The following COL18A1 variants were observed in gnomAD, a reference collection of about 807,000 sequenced individuals.
COL18A1 encodes collagen type XVIII alpha 1 chain, also known as collagen alpha-1(XVIII) chain.
COL18A1 carries 133 observed loss-of-function variants against 168.0 expected under a neutral mutation model. The ratio of observed to expected loss-of-function variants is 0.79; its 90% CI spans 0.69 to 0.91. COL18A1 has a LOEUF of 0.91. Ranked by LOEUF, COL18A1 falls within the 40% of genes least tolerant of loss-of-function variation. COL18A1 has a pLI of 0.00. For missense variants in COL18A1, 2,126 were observed against 1,925.4 expected, an observed-to-expected ratio of 1.10 and a Z score of -1.95; for synonymous variants, 949 against 809.0, an observed-to-expected ratio of 1.17 and a Z score of -2.94.
chr21:45,493,688 G>A (rs1039821435), intron 26 of COL18A1, 113 bp downstream of exon 26: 4 of 812,712 alleles, frequency 4.9e-6, no homozygotes, highest in East Asian at 2.7e-5. Context: ...CCTCTCCCAA[G>A]CAGGGCTCTA....
rs1363328870 is a variant in COL18A1 at position 45,490,864 on chromosome 21, G to A, written c.2060G>A (p.Gly687Glu). The A allele has an allele frequency of 6.5e-7, 1 of 1,549,828 alleles. No individual in the cohort carries two copies. The highest frequency in any genetic ancestry group is 8.7e-7 in the Non-Finnish European group (1 of 1,146,712). The change falls in exon 21 of 42, where the codon GGA (glycine) becomes GAA (glutamate). Residue 687 changes from glycine to glutamate, a missense_variant. Physicochemically the swap from Gly to Glu is moderately conservative, Grantham distance 98. Transcript: ENST00000651438. ...CCAAAGGGAGACAGAGGCAGCCGGGGAGAAAAGGTGAGTGTCCCTGGGGCG... is the reference window on the plus strand; with the variant it reads ...CCAAAGGGAGACAGAGGCAGCCGGGAAGAAAAGGTGAGTGTCCCTGGGGCG... ...QGPKGDRGSR[G>E]EKGDPGKDGV...
intron 2 of COL18A1, among the ~76,000 whole-genome samples, chr21:45,442,398 T>A (rs903984641): frequency 1.3e-5 from 2 of 152,198 alleles, no homozygotes; most frequent in African/African-American, 2.4e-5. Context: ...ATCACCCATG[T>A]GTCTCACTCA....
At chr21:45,502,992 T>C (rs2036944925) in intron 32 of COL18A1, 1 of 152,106 alleles carries the variant, frequency 6.6e-6, no homozygotes, top group Non-Finnish European at 1.5e-5. Context: ...AAATGAAGTT[T>C]TAAAAAGGCA....
At chr21:45,499,333 C>T (rs2036655702) in intron 32 of COL18A1, among the ~76,000 whole-genome samples, 1 of 152,264 alleles carries the variant, frequency 6.6e-6, no homozygotes, top group African/African-American at 2.4e-5. Flanking sequence ...ACAACGCTGG[C>T]AGGAACCGGC....
At chr21:45,434,115 G>A (rs1024771932) in intron 2 of COL18A1, among the ~76,000 whole-genome samples, 6 of 152,340 alleles carry the variant, frequency 3.9e-5, no homozygotes, top group African/African-American at 1.4e-4. Flanking sequence ...GGCCAGGTGT[G>A]TGAGCAGACA....
chr21:45,480,294 G>A, intron 11 of COL18A1, 138 bp downstream of exon 11: 1 of 1,271,086 alleles, frequency 7.9e-7, no homozygotes. Context: ...CACAGGTGTG[G>A]TGGGAGCCCC....
At chr21:45,456,873 C>T (rs910305049) in intron 2 of COL18A1, 46 of 1,443,720 alleles carry the variant, frequency 3.2e-5, no homozygotes, top group Middle Eastern at 1.8e-4. Context: ...CTCATTGGGC[C>T]GGCTGCAGGT....
intron 4 of COL18A1, among the ~76,000 whole-genome samples, chr21:45,475,178 G>A (rs868864981): frequency 3.3e-5 from 5 of 152,226 alleles, no homozygotes; most frequent in Admixed American, 6.5e-5. Flanking sequence ...CTGGCCAGAA[G>A]AGAGGAGCGC....
chr21:45,482,705 G>A lies in COL18A1; in HGVS notation c.1675-90G>A, dbSNP rs1568911812. 2.8e-5 allele frequency: 44 copies of A among 1,596,512 alleles called. No individual in the cohort carries two copies. In the Middle Eastern group the frequency reaches 5.0e-4, roughly 18 times the overall value. ...AGGCAGCAAAGCAGGGACCCGGGTCGGGGCACAGTTCCTGGCAGGGCGATG... is the reference window on the plus strand; with the variant it reads ...AGGCAGCAAAGCAGGGACCCGGGTCAGGGCACAGTTCCTGGCAGGGCGATG... On this transcript the variant is annotated intron_variant, in intron 14 of 41. Coordinates refer to ENST00000651438, the MANE Select transcript of COL18A1 (RefSeq NM_001379500.1).
chr21:45,482,644 C>G (rs942112546), intron 14 of COL18A1, 151 bp from the exon 15 acceptor site: 4 of 1,169,944 alleles, frequency 3.4e-6, no homozygotes, highest in Non-Finnish European at 5.0e-6. Flanking sequence ...GGGGGGATGA[C>G]AGCGGCAACA....
intron 15 of COL18A1, among the ~76,000 whole-genome samples, chr21:45,486,397 G>A (rs751401694): frequency 1.0e-5 from 1 of 100,210 alleles, no homozygotes; most frequent in Non-Finnish European, 2.0e-5. Flanking sequence ...TTCTCCCCTC[G>A]CCTGCCCGGG....
chr21:45,498,567 G>A lies in COL18A1; in HGVS notation c.2683+906G>A, dbSNP rs1326369911. 3 of 716,776 alleles carry A rather than the reference G, an allele frequency of 4.2e-6. No homozygotes were observed. The highest frequency in any genetic ancestry group is 7.8e-6 in the Non-Finnish European group (3 of 384,856). 44.4% of individuals were successfully genotyped at this position (716,776 alleles called of 1,614,324 possible). On this transcript the variant is annotated intron_variant, in intron 32 of 41. Coordinates refer to ENST00000651438, the MANE Select transcript of COL18A1 (RefSeq NM_001379500.1). This position sits in a 1 kb window ranked among gnomAD's most constrained non-coding sequence, Gnocchi z 4.5. ...GGGGCTGCACTCTGGGGTGGGAAGG[G>A]ACCAGGCAGGCAGAGGCCGAGTCTG... is the stretch of plus-strand genomic sequence containing the variant.
chr21:45,465,289 G>C (rs571363008), intron 2 of COL18A1, among the ~76,000 whole-genome samples: 1 of 152,192 alleles, frequency 6.6e-6, no homozygotes, highest in Non-Finnish European at 1.5e-5. Flanking sequence ...CAGCGCTGAC[G>C]GTGGAGAGAT....
chr21:45,508,930 G>A (rs796479815), intron 38 of COL18A1, among the ~76,000 whole-genome samples: 8 of 152,134 alleles, frequency 5.3e-5, no homozygotes, highest in Non-Finnish European at 8.8e-5. Flanking sequence ...AGGGGCATCC[G>A]GACTGGGGTG....
intron 6 of COL18A1, among the ~76,000 whole-genome samples, 200 bp downstream of exon 6, chr21:45,476,680 T>G (rs1318823747): frequency 6.9e-6 from 1 of 144,568 alleles, no homozygotes; most frequent in African/African-American, 2.5e-5. Context: ...GATGTGCATG[T>G]TTGTGACATG....
intron 17 of COL18A1, 125 bp from the exon 18 acceptor site, chr21:45,488,293 G>A (rs2036184849): frequency 7.5e-6 from 9 of 1,197,360 alleles, no homozygotes; most frequent in Non-Finnish European, 1.1e-5. Context: ...TTTTAACTTA[G>A]TACATTTCCT....
chr21:45,439,964 G>T (rs1045580524), intron 2 of COL18A1, among the ~76,000 whole-genome samples: 1 of 152,240 alleles, frequency 6.6e-6, no homozygotes, highest in African/African-American at 2.4e-5. Flanking sequence ...ATCTCGGGCT[G>T]CGCGCTGGTG....
rs79268468 is a variant in COL18A1, at chr21:45,506,827, C to T, written c.3217-734C>T. ...CTTCCCTCTAGCACTCCCTCCCTCT[C>T]GCCACCGGCCCCCTCCTAGGCCTGG... On this transcript the variant is annotated intron_variant, in intron 37 of 41. Transcript: ENST00000651438. 8.2e-4 allele frequency: 139 copies of T among 169,154 alleles called. 1 individual carries two copies. The highest frequency in any genetic ancestry group is 2.9e-3 in the African/African-American group (123 of 41,870). 10.5% of individuals were successfully genotyped at this position (169,154 alleles called of 1,614,324 possible).
intron 15 of COL18A1, among the ~76,000 whole-genome samples, chr21:45,483,377 G>A (rs771276131): frequency 3.9e-5 from 6 of 152,212 alleles, no homozygotes; most frequent in Non-Finnish European, 8.8e-5. Context: ...TCTGGACTCG[G>A]GGCAGCTGCT....
Sources: gnomAD v4.1 joint callset for allele counts (sites outside exome capture counted in the v4.1 genomes callset) on GRCh38, gnomAD v4.1.1 for gene constraint, Gnocchi (gnomAD v3.1) non-coding constraint, MANE v1.5 for transcripts, NCBI Gene and HGNC (gene_info 2026-07-23, HGNC 2026-07-21) for gene names.